SLC66A3: variants seen among roughly 807,000 people sequenced by gnomAD.
SLC66A3 encodes the protein PQ loop repeat containing 3.
In SLC66A3, 23 loss-of-function variants were observed where a neutral mutation model predicts 25.5. The observed-to-expected ratio is 0.90, with a 90% CI of 0.65 to 1.28. The LOEUF (loss-of-function observed/expected upper bound fraction) is 1.28, where lower values mean the gene tolerates loss of function less well. SLC66A3 is among the 50% of genes most tolerant of loss of function. The probability of loss-of-function intolerance (pLI) is 0.00; values close to 1 mark genes in which losing one functional copy is unlikely to be tolerated. For missense variants in SLC66A3, 246 were observed against 262.1 expected (o/e 0.94, Z 0.42); for synonymous variants, 108 against 112.6 (o/e 0.96, Z 0.26).
At chr2:11,173,174 G>C (rs1420049512) in intron 5 of SLC66A3, among the ~76,000 whole-genome samples, 2 of 152,148 alleles carry the variant, frequency 1.3e-5, no homozygotes, top group Non-Finnish European at 1.5e-5. Context: ...ATTTTTTGTA[G>C]AGAGGGGTCT....
intron 1 of SLC66A3, among the ~76,000 whole-genome samples, chr2:11,157,235 G>C (rs1454963004): frequency 6.6e-6 from 1 of 152,254 alleles, no homozygotes; most frequent in Non-Finnish European, 1.5e-5. Context: ...ACCTCTGGCA[G>C]TGGAAGGATC....
rs541509178 is a variant in SLC66A3 at position 11,167,524 on chromosome 2, A to G, written c.354+3263A>G. On this transcript the variant is annotated intron_variant, in intron 4 of 6. Transcript: ENST00000295083. Reference sequence around the variant, plus strand: ...TAGGTGTTTGTTCTGTGCCCTTAGCAGTAGTCATCTATTCTAACTATAACA... The same window carrying G: ...TAGGTGTTTGTTCTGTGCCCTTAGCGGTAGTCATCTATTCTAACTATAACA... 1.1e-4 allele frequency among the ~76,000 whole-genome samples: 16 copies of G among 152,374 alleles called. No individual in the cohort carries two copies. The East Asian group carries it at 3.1e-3, about 29-fold the overall frequency.
intron 4 of SLC66A3, 80 bp downstream of exon 4, chr2:11,164,341 A>ATT (rs1440192829): frequency 5.8e-5 from 7 of 121,104 alleles, no homozygotes; most frequent in South Asian, 3.7e-4. Context: ...ATATATATAT[A>ATT]TATATTTTTT....
intron 6 of SLC66A3, 138 bp downstream of exon 6, chr2:11,175,147 C>T: frequency 1.6e-6 from 1 of 622,742 alleles, no homozygotes; most frequent in Non-Finnish European, 2.8e-6. Context: ...CAATGTATTC[C>T]TAGTCTTATT....
At chr2:11,164,690 C>T (rs1041791605) in intron 4 of SLC66A3, among the ~76,000 whole-genome samples, 3 of 151,340 alleles carry the variant, frequency 2.0e-5, no homozygotes, top group Admixed American at 6.6e-5. Flanking sequence ...TGCGGCCTTC[C>T]GCAGTGTTTG....
chr2:11,164,462 C>A (rs1274030071), intron 4 of SLC66A3, among the ~76,000 whole-genome samples: 1 of 150,398 alleles, frequency 6.6e-6, no homozygotes, highest in African/African-American at 2.4e-5. Context: ...CTGTCTCAGC[C>A]TCTCGAGTAG....
At chr2:11,171,718 A>G (rs183079106) in intron 4 of SLC66A3, among the ~76,000 whole-genome samples, 6 of 151,864 alleles carry the variant, frequency 4.0e-5, no homozygotes, top group East Asian at 3.9e-4. Context: ...ACAGGCGCCC[A>G]CCACCACGCC....
Position 11,160,508 on chromosome 2 carries a change from G to T in SLC66A3, c.186G>T (p.Pro62=). The change falls in exon 2 of 7, where the codon CCG becomes CCT. Residue 62 remains proline, a synonymous_variant. Coordinates refer to ENST00000295083, the MANE Select transcript of SLC66A3 (RefSeq NM_152391.5). ...GGTACCAGTGTTACTATGGGTATCC[G>T]CCGCTGACCTACCTGGAGTACCCCA... ...FLRYQCYYGY[P]PLTYLEYPIL... 1 of 1,614,072 alleles carries T rather than the reference G, an allele frequency of 6.2e-7. No homozygotes were observed.
chr2:11,176,823 C>T (rs1176934519), intron 6 of SLC66A3, among the ~76,000 whole-genome samples: 2 of 152,262 alleles, frequency 1.3e-5, no homozygotes, highest in Non-Finnish European at 2.9e-5. Flanking sequence ...CCACCGCGCC[C>T]GGCCAGGGAA....
intron 4 of SLC66A3, among the ~76,000 whole-genome samples, chr2:11,168,054 G>A (rs1057051768): frequency 6.6e-6 from 1 of 152,194 alleles, no homozygotes; most frequent in Non-Finnish European, 1.5e-5. Flanking sequence ...GCCGAGACGG[G>A]CGGATCACAA....
chr2:11,164,179 G>A (rs1288274345), intron 3 of SLC66A3, 25 bp from the exon 4 acceptor site: 2 of 1,529,480 alleles, frequency 1.3e-6, no homozygotes, highest in Non-Finnish European at 8.9e-7. Flanking sequence ...GTGACCCACT[G>A]CTGTGTCCCT....
chr2:11,174,840 AAAG>A (rs901370853), intron 5 of SLC66A3, 125 bp from the exon 6 acceptor site: 6 of 545,024 alleles, frequency 1.1e-5, no homozygotes, highest in East Asian at 3.3e-5. Flanking sequence ...GTTGTTAAAA[AAAG>A]AATAAAAATA....
intron 6 of SLC66A3, among the ~76,000 whole-genome samples, chr2:11,175,606 A>G (rs1662712265): frequency 6.6e-6 from 1 of 152,236 alleles, no homozygotes; most frequent in African/African-American, 2.4e-5. Context: ...AGAACTGCCT[A>G]CAAAACAGTA....
chr2:11,168,775 T>C (rs1285666192), intron 4 of SLC66A3, among the ~76,000 whole-genome samples: 1 of 152,044 alleles, frequency 6.6e-6, no homozygotes, highest in Non-Finnish European at 1.5e-5. Flanking sequence ...CAGGGTGACT[T>C]TAGTCCTGCC....
At chr2:11,172,742 C>A in intron 5 of SLC66A3, 1 of 427,290 alleles carries the variant, frequency 2.3e-6, no homozygotes, top group Non-Finnish European at 4.8e-6. Flanking sequence ...TTCTTTTTTC[C>A]TTTGACAGGG....
chr2:11,168,155 G>C (rs1558255956), intron 4 of SLC66A3, among the ~76,000 whole-genome samples: 1 of 151,856 alleles, frequency 6.6e-6, no homozygotes, highest in African/African-American at 2.4e-5. Context: ...TGTGGTGGCG[G>C]GCACCTGTAG....
intron 3 of SLC66A3, 143 bp downstream of exon 3, chr2:11,160,837 T>C: frequency 1.5e-6 from 2 of 1,325,914 alleles, no homozygotes; most frequent in Non-Finnish European, 2.0e-6. Context: ...AATGCAAACG[T>C]GTCCATGTAC....
rs913343176 is a variant in SLC66A3 at position 11,171,790 on chromosome 2, G to A, written c.355-135G>A. Reference sequence around the variant, plus strand: ...TCACCGTGCTAGCCAGGATGGTCTCGATCTCCTGACCTCATGATCTGCCTG... The same window carrying A: ...TCACCGTGCTAGCCAGGATGGTCTCAATCTCCTGACCTCATGATCTGCCTG... On this transcript the variant is annotated intron_variant, in intron 4 of 6. Coordinates refer to ENST00000295083, the MANE Select transcript of SLC66A3 (RefSeq NM_152391.5). 5.7e-5 allele frequency: 45 copies of A among 790,452 alleles called. 1 individual carries two copies. The highest frequency in any genetic ancestry group is 4.7e-4 in the South Asian group (30 of 63,756). 49.0% of individuals were successfully genotyped at this position (790,452 alleles called of 1,614,324 possible).
At chr2:11,172,659 T>G in intron 5 of SLC66A3, 1 of 337,806 alleles carries the variant, frequency 3.0e-6, no homozygotes, top group South Asian at 2.3e-5. Flanking sequence ...GGCTAATGTC[T>G]CCATCCATGG....
Sources: allele counts gnomAD v4.1 joint callset (sites outside exome capture counted in the v4.1 genomes callset), GRCh38; gene constraint gnomAD v4.1.1; transcripts MANE v1.5; gene names NCBI Gene and HGNC (gene_info 2026-07-23, HGNC 2026-07-21).